Variants in COL5A1 observed in about 807,000 individuals in gnomAD.
COL5A1 encodes the protein collagen type V alpha 1 chain, also known as collagen alpha-1(V) chain.
In COL5A1, 16 loss-of-function variants were observed where a neutral mutation model predicts 263.7. That is an observed-to-expected ratio of 0.06 (90% CI 0.04 to 0.09). The LOEUF is 0.09. COL5A1 is among the 10% of genes least tolerant of loss of function. The pLI, the probability that COL5A1 is intolerant of heterozygous loss-of-function variation, is 1.00. For missense variants in COL5A1, 2,036 were observed against 2,540.5 expected, an observed-to-expected ratio of 0.80 and a Z score of 4.27; for synonymous variants, 1,012 against 1,004.5, an observed-to-expected ratio of 1.01 and a Z score of -0.14.
At chr9:134,787,374 G>A (rs1376227065) in intron 31 of COL5A1, among the ~76,000 whole-genome samples, 2 of 152,340 alleles carry the variant, frequency 1.3e-5, no homozygotes, top group African/African-American at 4.8e-5. Flanking sequence ...GCAGGCGGGC[G>A]TGTGAGTGGC....
In COL5A1 at chr9:134,736,564, T is replaced by C. The variant is rs73568447; in HGVS notation, c.1390-1910T>C. On this transcript the variant is annotated intron_variant, in intron 9 of 65. Transcript: ENST00000371817. The stretch of plus-strand genomic sequence containing the variant: ...GGATTCAGTTTCCAACACATGACTT[T>C]TGGGGAGACACATTCAAACCCTAGC... Among the ~76,000 whole-genome samples the C allele has an allele frequency of 6.4e-3, 978 of 152,330 alleles. 10 individuals are homozygous for C. The East Asian group carries it at 0.065, about 10-fold the overall frequency.
intron 31 of COL5A1, among the ~76,000 whole-genome samples, chr9:134,787,111 G>A (rs56153283): frequency 0.08 from 12,248 of 152,280 alleles, 733 homozygotes; most frequent in African/African-American, 0.16. Flanking sequence ...CCGCAGCATC[G>A]TCACTGAATG....
At chr9:134,819,163 C>A in intron 57 of COL5A1, 110 bp downstream of exon 57, 3 of 1,187,038 alleles carry the variant, frequency 2.5e-6, no homozygotes, top group Non-Finnish European at 3.7e-6. Context: ...GTGTCAAGCA[C>A]CTGCTGCAGG....
At chr9:134,840,481 C>T (rs1839988316) in intron 65 of COL5A1, among the ~76,000 whole-genome samples, 1 of 152,198 alleles carries the variant, frequency 6.6e-6, no homozygotes, top group Admixed American at 6.5e-5. Context: ...ATCGGTTATC[C>T]ATTGCTTGTA....
intron 4 of COL5A1, among the ~76,000 whole-genome samples, chr9:134,706,086 G>A (rs558864034): frequency 2.4e-4 from 37 of 152,342 alleles, no homozygotes; most frequent in African/African-American, 8.7e-4. Context: ...GGCATGGGCT[G>A]TGTCTCCTAG....
chr9:134,765,716 A>G lies in COL5A1; in HGVS notation c.2070A>G (p.Pro690=), dbSNP rs1060504527. ...GTCTGCTTGGGCCGAAGGGGCCCCC[A>G]GGTCCTCCCGGACCTCCCGTAAGTC... is the stretch of plus-strand genomic sequence containing the variant. The part of the protein sequence containing the change: ...PRGLLGPKGP[P]GPPGPPGVTG... Residue 690 remains proline (P), a synonymous_variant, in exon 21 of 66, where the codon CCA becomes CCG. Transcript: ENST00000371817. This position sits in a 1 kb window ranked among gnomAD's most constrained non-coding sequence, Gnocchi z 5.1. 2 of 1,613,472 alleles carry G rather than the reference A, an allele frequency of 1.2e-6. No individual in the cohort carries two copies. Among genetic ancestry groups the G allele is most frequent in the Non-Finnish European group, 1.7e-6 (2 of 1,179,640 alleles).
chr9:134,801,987 C>T lies in COL5A1; in HGVS notation c.2986C>T (p.Pro996Ser), dbSNP rs774351619. ...AGGCAAGACCGGCCCTCCAGGCCCC[C>T]CCGGCGTGGTCGGCCCTCAGGTAAG... ...FQGKTGPPGP[P>S]GVVGPQGPTG... Residue 996 changes from proline to serine, a missense_variant, in exon 38 of 66, where the codon CCC becomes TCC. Physicochemically the swap from Pro to Ser is moderately conservative, Grantham distance 74. Coordinates refer to ENST00000371817, the MANE Select transcript of COL5A1 (RefSeq NM_000093.5). 4 of 1,613,440 alleles carry T rather than the reference C, an allele frequency of 2.5e-6. No homozygotes were observed. The highest frequency in any genetic ancestry group is 3.3e-5 in the Admixed American group (2 of 60,026).
intron 1 of COL5A1, among the ~76,000 whole-genome samples, chr9:134,656,493 A>G (rs958239389): frequency 6.6e-6 from 1 of 152,158 alleles, no homozygotes; most frequent in Non-Finnish European, 1.5e-5. Flanking sequence ...GCTTATCTGC[A>G]TATCAGAGGC....
At chr9:134,737,697 G>C (rs1835154964) in intron 9 of COL5A1, among the ~76,000 whole-genome samples, 1 of 152,186 alleles carries the variant, frequency 6.6e-6, no homozygotes, top group African/African-American at 2.4e-5. Flanking sequence ...AGGGCAGGGA[G>C]CCCCGTCCTG....
rs1017865215 is a variant in COL5A1, at chr9:134,700,384, T to G, written c.491+262T>G. Among the ~76,000 whole-genome samples, 14 of 152,314 alleles carry G rather than the reference T, an allele frequency of 9.2e-5. No individual in the cohort carries two copies. The highest frequency in any genetic ancestry group is 1.8e-4 in the Non-Finnish European group (12 of 68,020). On this transcript the variant is annotated intron_variant, in intron 3 of 65. Transcript: ENST00000371817. This position sits in a 1 kb window ranked among gnomAD's most constrained non-coding sequence, Gnocchi z 4.0. Reference sequence around the variant, plus strand: ...CCTTTGTAAAGTGCACTAAAGCACATCAAATTCCCGCCTGTTTGTGTCAGA... The same window carrying G: ...CCTTTGTAAAGTGCACTAAAGCACAGCAAATTCCCGCCTGTTTGTGTCAGA...
chr9:134,842,356 T>C lies in COL5A1; in HGVS notation c.*53T>C. 1 of 1,606,836 alleles carries C rather than the reference T, an allele frequency of 6.2e-7. No individual in the cohort carries two copies. Among genetic ancestry groups the C allele is most frequent in the Non-Finnish European group, 8.5e-7 (1 of 1,176,424 alleles). On this transcript the variant is annotated 3_prime_UTR_variant, in exon 66 of 66. Coordinates refer to ENST00000371817, the MANE Select transcript of COL5A1 (RefSeq NM_000093.5). The surrounding 1 kb of genome is among the most constrained non-coding windows in gnomAD (Gnocchi z 5.8). Reference sequence around the variant, plus strand: ...CAACCTCGTGACCTCAGCATGCCATTCGTTCGTGAGTGTCCCGTGCACGTC... The same window carrying C: ...CAACCTCGTGACCTCAGCATGCCATCCGTTCGTGAGTGTCCCGTGCACGTC...
At chr9:134,766,919 C>T in intron 22 of COL5A1, 81 bp from the exon 23 acceptor site, 1 of 1,328,226 alleles carries the variant, frequency 7.5e-7, no homozygotes, top group South Asian at 1.2e-5. Context: ...GATGGGAGGC[C>T]AGTGAGGGGG....
intron 54 of COL5A1, 37 bp downstream of exon 54, chr9:134,817,868 C>A: frequency 6.4e-7 from 1 of 1,566,746 alleles, no homozygotes; most frequent in Non-Finnish European, 8.7e-7. Context: ...ACCGCGTAGA[C>A]CTCCCCCAGG....
intron 1 of COL5A1, among the ~76,000 whole-genome samples, chr9:134,673,008 C>T (rs558916547): frequency 1.1e-4 from 16 of 152,184 alleles, no homozygotes; most frequent in Middle Eastern, 3.4e-3. Context: ...GATAAATCAA[C>T]GAAGATCTTA....
chr9:134,804,697 G>A (rs1421732015), intron 39 of COL5A1, among the ~76,000 whole-genome samples: 1 of 152,182 alleles, frequency 6.6e-6, no homozygotes, highest in Non-Finnish European at 1.5e-5. Flanking sequence ...GTCCAGTCAC[G>A]ACTCTGAAAA....
At chr9:134,782,852 G>C (rs767854199) in intron 29 of COL5A1, 132 bp downstream of exon 29, 2 of 904,078 alleles carry the variant, frequency 2.2e-6, no homozygotes, top group Admixed American at 1.8e-5. Flanking sequence ...GAGATTCCTG[G>C]TGGGAAGGGG....
Position 134,815,601 on chromosome 9 carries a change from C to G in COL5A1, c.4040C>G (p.Pro1347Arg). 6.2e-7 allele frequency: 1 copy of G among 1,613,772 alleles called. No individual in the cohort carries two copies. Among genetic ancestry groups the G allele is most frequent in the Non-Finnish European group, 8.5e-7 (1 of 1,179,956 alleles). ...SPGPVGFPGD[P>R]GPPGEPGPAG... ...GGCCCAGTGGGTTTTCCTGGAGATC[C>G]TGGCCCCCCCGGAGAGCCTGGCCCC... is the stretch of plus-strand genomic sequence containing the variant. The change falls in exon 51 of 66, where the codon CCT becomes CGT. Residue 1347 changes from proline (P) to arginine (R), a missense_variant. By Grantham distance (103) the Pro-to-Arg change is moderately radical. Around this residue, in one of 3 missense-constraint regions of COL5A1, gnomAD observed 1,078 missense variants for 1,521.4 expected, o/e 0.71. Transcript: ENST00000371817.
rs1832734245 is a variant in COL5A1, at chr9:134,678,148, G to A, written c.110-12764G>A. Among the ~76,000 whole-genome samples the A allele has an allele frequency of 6.6e-6, 1 of 152,224 alleles. No homozygotes were observed. The highest frequency in any genetic ancestry group is 2.4e-5 in the African/African-American group (1 of 41,462). On this transcript the variant is annotated intron_variant, in intron 1 of 65. Coordinates refer to ENST00000371817, the MANE Select transcript of COL5A1 (RefSeq NM_000093.5). The surrounding 1 kb of genome is among the most constrained non-coding windows in gnomAD (Gnocchi z 5.5). ...TCCCAGCTTGCAGCCCCATGGTGCA[G>A]AGGAAAGATTTTGGACCCAAATGGA... is the stretch of plus-strand genomic sequence containing the variant.
At chr9:134,764,879 G>C (rs1043264383) in intron 20 of COL5A1, among the ~76,000 whole-genome samples, 3 of 152,158 alleles carry the variant, frequency 2.0e-5, no homozygotes, top group African/African-American at 7.2e-5. Context: ...AATAACGAAG[G>C]AAACATTTAA....
Sources: allele counts gnomAD v4.1 joint callset (sites outside exome capture counted in the v4.1 genomes callset), GRCh38; gene constraint gnomAD v4.1.1; regional missense constraint gnomAD v4.1.1; non-coding constraint Gnocchi (gnomAD v3.1); transcripts MANE v1.5; gene names NCBI Gene and HGNC (gene_info 2026-07-23, HGNC 2026-07-21).